Variants in VPS13B observed in about 807,000 individuals in gnomAD.
VPS13B encodes vacuolar protein sorting 13 homolog B, also known as intermembrane lipid transfer protein VPS13B.
In VPS13B, 285 loss-of-function variants were observed where a neutral mutation model predicts 426.4. That is an observed-to-expected ratio of 0.67 (90% confidence interval 0.61 to 0.74). VPS13B has a LOEUF of 0.74. VPS13B is among the 30% of genes least tolerant of loss of function. The pLI is 0.00. For missense variants in VPS13B, 4,537 were observed against 4,782.6 expected, an observed-to-expected ratio of 0.95 and a Z score of 1.51; for synonymous variants, 1,676 against 1,676.4, an observed-to-expected ratio of 1.00 and a Z score of 0.01.
At chr8:99,576,404 C>T (rs1469052005) in intron 32 of VPS13B, among the ~76,000 whole-genome samples, 2 of 151,524 alleles carry the variant, frequency 1.3e-5, no homozygotes, top group Non-Finnish European at 2.9e-5. Context: ...AATTGGTATA[C>T]TTTTTTCCCT....
intron 21 of VPS13B, among the ~76,000 whole-genome samples, chr8:99,410,035 G>T (rs998675504): frequency 6.6e-6 from 1 of 152,086 alleles, no homozygotes; most frequent in Non-Finnish European, 1.5e-5. Context: ...TGGGATGGGG[G>T]AATACTTGGG....
intron 39 of VPS13B, among the ~76,000 whole-genome samples, chr8:99,761,708 T>C (rs1226567661): frequency 2.0e-5 from 3 of 152,238 alleles, no homozygotes; most frequent in African/African-American, 7.2e-5. Context: ...TTATTTGTAT[T>C]ACCAAAAACA....
chr8:99,048,607 G>A (rs1265583614), intron 3 of VPS13B, among the ~76,000 whole-genome samples: 1 of 152,096 alleles, frequency 6.6e-6, no homozygotes, highest in African/African-American at 2.4e-5. Context: ...CAGTGGTCGG[G>A]AGTTTGAGAC....
intron 12 of VPS13B, 28 bp downstream of exon 12, chr8:99,136,780 C>A: frequency 1.2e-6 from 2 of 1,606,012 alleles, no homozygotes; most frequent in Non-Finnish European, 1.7e-6. Flanking sequence ...TTATGTGTGC[C>A]ATTTCTTGAA....
intron 17 of VPS13B, among the ~76,000 whole-genome samples, chr8:99,219,419 G>A (rs539576165): frequency 9.8e-5 from 15 of 152,294 alleles, no homozygotes; most frequent in Admixed American, 9.1e-4. Context: ...GGCTTCAAGT[G>A]GCAAAATGAG....
At chr8:99,851,556 G>T (rs1816297601) in intron 55 of VPS13B, among the ~76,000 whole-genome samples, 1 of 152,196 alleles carries the variant, frequency 6.6e-6, no homozygotes, top group Non-Finnish European at 1.5e-5. Context: ...CTGAGAAGTT[G>T]ATGTTTGGGC....
At chr8:99,820,573 G>A (rs1482839263) in intron 49 of VPS13B, among the ~76,000 whole-genome samples, 2 of 152,142 alleles carry the variant, frequency 1.3e-5, no homozygotes, top group East Asian at 1.9e-4. Flanking sequence ...GGACTTGGAT[G>A]TTCATAATTA....
chr8:99,370,605 CTTTTTT>C (rs1047111709), intron 19 of VPS13B, among the ~76,000 whole-genome samples: 1 of 99,462 alleles, frequency 1.0e-5, no homozygotes. Flanking sequence ...GAGTGAAGGG[CTTTTTT>C]TTTTTTTTTT....
chr8:99,261,457 C>T (rs528692887), intron 17 of VPS13B, among the ~76,000 whole-genome samples: 1 of 152,178 alleles, frequency 6.6e-6, no homozygotes, highest in Admixed American at 6.5e-5. Flanking sequence ...ATAATTTATT[C>T]ATTCACCTAC....
chr8:99,624,244 G>A (rs1828502165), intron 33 of VPS13B, among the ~76,000 whole-genome samples: 3 of 151,728 alleles, frequency 2.0e-5, no homozygotes, highest in African/African-American at 4.8e-5. Context: ...GATGTAGTAA[G>A]AACATTTTTC....
intron 43 of VPS13B, among the ~76,000 whole-genome samples, chr8:99,800,942 T>C (rs1813090720): frequency 6.6e-6 from 1 of 152,218 alleles, no homozygotes; most frequent in Non-Finnish European, 1.5e-5. Context: ...CCAGGGAAAT[T>C]CAAATGACTA....
In VPS13B at chr8:99,809,428, C is replaced by G. The variant is rs149017920; in HGVS notation, c.7995C>G (p.Phe2665Leu). Reference sequence around the variant, plus strand: ...GCAACTGGCGTTGGTCAGAGCCTTTCAGTGTGGACCATGCCGGGACTTTTA... The same window carrying G: ...GCAACTGGCGTTGGTCAGAGCCTTTGAGTGTGGACCATGCCGGGACTTTTA... The part of the protein sequence containing the change: ...GWGNWRWSEP[F>L]SVDHAGTFIR... The change falls in exon 44 of 62, where the codon TTC becomes TTG. Residue 2665 changes from phenylalanine (F) to leucine (L), a missense_variant. Phe to Leu is a conservative substitution (Grantham distance 22). This residue lies in a region of VPS13B where 4,311 missense variants were observed against 4,474.3 expected (regional missense o/e 0.96). Coordinates refer to ENST00000357162, the MANE Select transcript of VPS13B (RefSeq NM_152564.5). The G allele has an allele frequency of 1.5e-5, 24 of 1,614,000 alleles. No individual in the cohort carries two copies. The African/African-American group carries it at 2.7e-4, about 18-fold the overall frequency.
intron 16 of VPS13B, among the ~76,000 whole-genome samples, chr8:99,190,333 T>C (rs575348436): frequency 6.6e-6 from 1 of 152,072 alleles, no homozygotes; most frequent in African/African-American, 2.4e-5. Flanking sequence ...AAAGTGGATA[T>C]ATATGGGTCT....
intron 3 of VPS13B, among the ~76,000 whole-genome samples, chr8:99,087,488 C>T (rs1174042395): frequency 6.6e-6 from 1 of 152,022 alleles, no homozygotes. Flanking sequence ...TGACACTCCC[C>T]AGTGAGATGA....
At chr8:99,855,186 G>C (rs1816483049) in intron 56 of VPS13B, among the ~76,000 whole-genome samples, 1 of 151,978 alleles carries the variant, frequency 6.6e-6, no homozygotes, top group Non-Finnish European at 1.5e-5. Context: ...GACCAGCTTG[G>C]CCAACTGGTG....
chr8:99,786,345 G>A (rs1281064790), intron 43 of VPS13B, among the ~76,000 whole-genome samples: 1 of 152,128 alleles, frequency 6.6e-6, no homozygotes, highest in Non-Finnish European at 1.5e-5. Context: ...AAATAGAAAT[G>A]TTAAGTTAGG....
At chr8:99,230,790 G>C (rs1199905371) in intron 17 of VPS13B, among the ~76,000 whole-genome samples, 2 of 152,222 alleles carry the variant, frequency 1.3e-5, no homozygotes, top group African/African-American at 4.8e-5. Context: ...ACTTTTAATA[G>C]ATTATTACTT....
intron 21 of VPS13B, among the ~76,000 whole-genome samples, chr8:99,417,202 TTA>T (rs1237042605): frequency 1.3e-5 from 2 of 152,168 alleles, no homozygotes; most frequent in African/African-American, 4.8e-5. Flanking sequence ...ATTTATATTT[TTA>T]TAAGCTCCCT....
At chr8:99,245,681 A>C (rs1817176311) in intron 17 of VPS13B, among the ~76,000 whole-genome samples, 1 of 152,156 alleles carries the variant, frequency 6.6e-6, no homozygotes, top group African/African-American at 2.4e-5. Context: ...AGCTGGGATT[A>C]CAGGCACTCA....
Sources: allele counts gnomAD v4.1 joint callset (sites outside exome capture counted in the v4.1 genomes callset), GRCh38; gene constraint gnomAD v4.1.1; regional missense constraint gnomAD v4.1.1; transcripts MANE v1.5; gene names NCBI Gene and HGNC (gene_info 2026-07-23, HGNC 2026-07-21).